AGBL4: variants seen among roughly 807,000 people sequenced by gnomAD.
The protein encoded by AGBL4 is cytosolic carboxypeptidase 6.
In AGBL4, 58 loss-of-function variants were observed where a neutral mutation model predicts 66.4. The ratio of observed to expected loss-of-function variants is 0.87; its 90% CI spans 0.71 to 1.09. AGBL4 has a LOEUF of 1.09. Ranked by LOEUF, AGBL4 falls within the 50% of genes least tolerant of loss-of-function variation. AGBL4 has a pLI of 0.00. For missense variants in AGBL4, 579 were observed against 631.0 expected (o/e 0.92, Z 0.88); for synonymous variants, 234 against 222.9 (o/e 1.05, Z -0.44).
chr1:48,981,502 G>A (rs528594221), intron 5 of AGBL4, among the ~76,000 whole-genome samples: 2 of 152,252 alleles, frequency 1.3e-5, no homozygotes, highest in African/African-American at 4.8e-5. Flanking sequence ...GAGTGCCATA[G>A]CTGGAATTCA....
Position 49,366,802 on chromosome 1 carries a change from T to C in AGBL4, c.283-120938A>G, listed in dbSNP as rs190545656. Among the ~76,000 whole-genome samples the C allele has an allele frequency of 1.5e-3, 232 of 152,296 alleles. 3 individuals carry two copies. Among genetic ancestry groups the C allele is most frequent in the Middle Eastern group, 6.8e-3 (2 of 294 alleles). On this transcript the variant is annotated intron_variant, in intron 3 of 13. Coordinates refer to ENST00000371839, the MANE Select transcript of AGBL4 (RefSeq NM_032785.4). ...GCTGCTTTTCAAATTTGCTAGATAA[T>C]AGAGTCTTGCCAAAGTTTTCTAGAC...
At chr1:48,601,422 G>A (rs545626550) in intron 9 of AGBL4, among the ~76,000 whole-genome samples, 4 of 152,158 alleles carry the variant, frequency 2.6e-5, no homozygotes, top group Admixed American at 6.5e-5. Context: ...TGGCACTGGG[G>A]ATATGGACCT....
At chr1:48,552,206 G>A (rs921740661) in intron 11 of AGBL4, among the ~76,000 whole-genome samples, 1 of 152,108 alleles carries the variant, frequency 6.6e-6, no homozygotes, top group Admixed American at 6.6e-5. Context: ...TGGGACTACA[G>A]GTGTGTGCCA....
At chr1:48,803,847 C>T (rs1361987899) in intron 6 of AGBL4, among the ~76,000 whole-genome samples, 1 of 152,200 alleles carries the variant, frequency 6.6e-6, no homozygotes, top group Non-Finnish European at 1.5e-5. Context: ...CTTCTCCAAT[C>T]TCTGCTACAA....
intron 3 of AGBL4, among the ~76,000 whole-genome samples, chr1:49,655,822 A>G (rs1646116116): frequency 6.6e-6 from 1 of 152,162 alleles, no homozygotes; most frequent in African/African-American, 2.4e-5. Flanking sequence ...TCATAAAGAA[A>G]AGAGAGAATA....
intron 2 of AGBL4, among the ~76,000 whole-genome samples, chr1:49,827,070 C>T (rs1645529122): frequency 6.6e-6 from 1 of 152,028 alleles, no homozygotes. Context: ...AATGAAAATG[C>T]ATACATGAGA....
chr1:48,903,444 C>T (rs530516432), intron 5 of AGBL4, among the ~76,000 whole-genome samples: 4 of 152,354 alleles, frequency 2.6e-5, no homozygotes, highest in Non-Finnish European at 5.9e-5. Context: ...TGGCCTGACT[C>T]CCCAGTCCCT....
At chr1:48,997,892 C>G (rs1343646893) in intron 5 of AGBL4, among the ~76,000 whole-genome samples, 1 of 152,240 alleles carries the variant, frequency 6.6e-6, no homozygotes, top group African/African-American at 2.4e-5. Context: ...CCATCAAACT[C>G]TTCCATTTGT....
chr1:48,670,601 C>A (rs1373157451), intron 6 of AGBL4, among the ~76,000 whole-genome samples: 2 of 152,254 alleles, frequency 1.3e-5, no homozygotes, highest in African/African-American at 4.8e-5. Context: ...GCTCTGTGGG[C>A]TCTGGCAGTT....
intron 1 of AGBL4, among the ~76,000 whole-genome samples, chr1:49,868,831 T>C (rs935159603): frequency 6.6e-6 from 1 of 152,136 alleles, no homozygotes; most frequent in Non-Finnish European, 1.5e-5. Flanking sequence ...ACCTACAGAA[T>C]GGGAGAAAAT....
At chr1:48,774,539 A>C (rs1644985605) in intron 6 of AGBL4, among the ~76,000 whole-genome samples, 1 of 152,226 alleles carries the variant, frequency 6.6e-6, no homozygotes, top group East Asian at 1.9e-4. Context: ...TTTTTCAACT[A>C]ATTCAAACTG....
At position 49,045,555 on chromosome 1, in the gene AGBL4, G is replaced by A. The variant is rs984916204; in HGVS notation, c.594+29C>T. 6 of 1,590,326 alleles carry A rather than the reference G, an allele frequency of 3.8e-6. No homozygotes were observed. In the East Asian group the frequency reaches 9.1e-5, roughly 24 times the overall value. On this transcript the variant is annotated intron_variant, in intron 5 of 13. Transcript: ENST00000371839. ...ATCCCAAGTTTGCCTGTTTCCAAAT[G>A]AGTAACCCAAACCTGGCACAGGCCT...
chr1:49,354,810 A>T (rs1057093833), intron 3 of AGBL4, among the ~76,000 whole-genome samples: 1 of 152,238 alleles, frequency 6.6e-6, no homozygotes, highest in African/African-American at 2.4e-5. Flanking sequence ...TGAAACAAAT[A>T]TGAACTATAC....
intron 6 of AGBL4, among the ~76,000 whole-genome samples, chr1:48,687,894 C>A (rs1292901495): frequency 6.6e-6 from 1 of 152,204 alleles, no homozygotes; most frequent in African/African-American, 2.4e-5. Context: ...AGAGAGCCGT[C>A]CCTGGCCACC....
At position 48,539,821 on chromosome 1, in the gene AGBL4, G is replaced by C. The variant is rs183088792; in HGVS notation, c.1268-83C>G. 9.4e-4 allele frequency: 890 copies of C among 949,736 alleles called. 3 individuals are homozygous for C. In the African/African-American group the frequency reaches 0.013, roughly 14 times the overall value. The allele number at this position is 949,736 out of a possible 1,614,324, so 58.8% of individuals were successfully genotyped here. A position where few individuals can be genotyped will look rare whatever the true frequency, so the allele number is the denominator to read the frequency against. ...AGAACTACTAATAAAAATAATAACA[G>C]TAATAAAAACAGTTACACACTCATT... is the stretch of plus-strand genomic sequence containing the variant. On this transcript the variant is annotated intron_variant, in intron 11 of 13. Coordinates refer to ENST00000371839, the MANE Select transcript of AGBL4 (RefSeq NM_032785.4).
intron 2 of AGBL4, chr1:49,845,832 C>T (rs200198819): frequency 4.4e-5 from 65 of 1,487,730 alleles, no homozygotes; most frequent in Non-Finnish European, 5.7e-5. Flanking sequence ...AGAAGCCGTT[C>T]GACTGCAGTC....
Position 48,589,010 on chromosome 1 carries a change from G to A in AGBL4, c.1104+1823C>T, listed in dbSNP as rs140897927. 1.8e-4 allele frequency among the ~76,000 whole-genome samples: 28 copies of A among 152,254 alleles called. No homozygotes were observed. The East Asian group carries it at 5.0e-3, about 27-fold the overall frequency. ...TCCCTGGAAACTTCACCCACATGAG[G>A]AGGGTCTCTGAGGCCTATGACCCAG... On this transcript the variant is annotated intron_variant, in intron 10 of 13. Transcript: ENST00000371839.
intron 3 of AGBL4, among the ~76,000 whole-genome samples, chr1:49,250,059 C>T (rs1384826022): frequency 2.6e-5 from 4 of 151,880 alleles, no homozygotes; most frequent in Admixed American, 6.6e-5. Flanking sequence ...ATGCTGATTA[C>T]CAGAGGCCAG....
intron 5 of AGBL4, among the ~76,000 whole-genome samples, chr1:48,918,917 G>C (rs1380795198): frequency 6.6e-6 from 1 of 152,134 alleles, no homozygotes; most frequent in African/African-American, 2.4e-5. Context: ...TCTGGGTCAG[G>C]TATCTCCCCA....
Sources: gnomAD v4.1 joint callset for allele counts (sites outside exome capture counted in the v4.1 genomes callset) on GRCh38, gnomAD v4.1.1 for gene constraint, MANE v1.5 for transcripts, NCBI Gene and HGNC (gene_info 2026-07-23, HGNC 2026-07-21) for gene names.